The following DGAT1 variants were observed in gnomAD, a reference collection of about 807,000 sequenced individuals.
The protein encoded by DGAT1 is ACAT related gene product 1.
Under a neutral mutation model 72.6 loss-of-function variants are expected in DGAT1, and 60 were observed. The ratio of observed to expected loss-of-function variants is 0.83; its 90% CI spans 0.67 to 1.02. The LOEUF (loss-of-function observed/expected upper bound fraction) is 1.02, where lower values mean the gene tolerates loss of function less well. DGAT1 is among the 50% of genes least tolerant of loss of function. DGAT1 has a pLI of 0.00. For synonymous variants in DGAT1, 290 were observed against 267.5 expected (o/e 1.08, Z -0.82); for missense variants, 592 against 670.0 (o/e 0.88, Z 1.29).
At position 144,316,894 on chromosome 8, in the gene DGAT1, G is replaced by C. The variant is rs782420668; in HGVS notation, c.1270C>G (p.Arg424Gly). 2 of 1,612,156 alleles carry C rather than the reference G, an allele frequency of 1.2e-6. No individual in the cohort carries two copies. The highest frequency in any genetic ancestry group is 1.6e-4 in the Middle Eastern group (1 of 6,062). The stretch of plus-strand genomic sequence containing the variant: ...GTGAACGCCCAGAGGCGGAACATTC[G>C]CAGAGGGACGCTCACCAGGTACTGA... The part of the protein sequence containing the change: ...FHEYLVSVPL[R>G]MFRLWAFTGM... The change falls in exon 16 of 17, where the codon CGA becomes GGA. Residue 424 changes from arginine to glycine, a missense_variant. Arg to Gly is a moderately radical substitution (Grantham distance 125). Transcript: ENST00000528718.
chr8:144,317,471 C>CTAG, intron 12 of DGAT1, 26 bp from the exon 13 acceptor site: 1 of 1,613,642 alleles, frequency 6.2e-7, no homozygotes, highest in Non-Finnish European at 8.5e-7. Flanking sequence ...GGGTGGGCAC[C>CTAG]AAGTTCTAGA....
rs1230730286 is a variant in DGAT1, at chr8:144,316,479, C to G, written c.*75G>C. On this transcript the variant is annotated 3_prime_UTR_variant, in exon 17 of 17. Transcript: ENST00000528718. ...TGCAGCCAGGCCCATCCCCAGCACTCGAGGCCTAGGAGGAGAGGTGGGCTC... is the reference window on the plus strand; with the variant it reads ...TGCAGCCAGGCCCATCCCCAGCACTGGAGGCCTAGGAGGAGAGGTGGGCTC... The G allele has an allele frequency of 2.7e-6, 4 of 1,487,352 alleles. No homozygotes were observed. In the African/African-American group the frequency reaches 5.6e-5, roughly 21 times the overall value. 92.1% of individuals were successfully genotyped at this position (1,487,352 alleles called of 1,614,324 possible).
At chr8:144,325,926 C>T (rs1160138364) in intron 1 of DGAT1, among the ~76,000 whole-genome samples, 1 of 152,138 alleles carries the variant, frequency 6.6e-6, no homozygotes, top group African/African-American at 2.4e-5. Flanking sequence ...CTAACACTGC[C>T]CCTTGTCCGG....
At position 144,315,831 on chromosome 8, in the gene DGAT1, C is replaced by T; in HGVS notation, c.*723G>A. 1.0e-6 allele frequency: 1 copy of T among 985,002 alleles called. No homozygotes were observed. Among genetic ancestry groups the T allele is most frequent in the African/African-American group, 1.7e-5 (1 of 57,370 alleles). The allele number at this position is 985,002 out of a possible 1,614,324, so 61.0% of individuals were successfully genotyped here. A position where few individuals can be genotyped will look rare whatever the true frequency, so the allele number is the denominator to read the frequency against. Reference sequence around the variant, plus strand: ...AGAGGCTGCCAAACCGAGCCCTGCCCCAAGGCGAATAGCCATGGACATAGC... The same window carrying T: ...AGAGGCTGCCAAACCGAGCCCTGCCTCAAGGCGAATAGCCATGGACATAGC... On this transcript the variant is annotated 3_prime_UTR_variant, in exon 17 of 17. Transcript: ENST00000528718.
rs1310939487 is a variant in DGAT1, at chr8:144,314,718, T to G, written c.*1836A>C. On this transcript the variant is annotated 3_prime_UTR_variant, in exon 17 of 17. Transcript: ENST00000528718. ...GAGATCTATAAACAGACAGGCTCTA[T>G]GCTATGGCCTCCATGTGTTTCCTCT... The G allele has an allele frequency of 4.3e-6, 1 of 233,334 alleles. No homozygotes were observed. The highest frequency in any genetic ancestry group is 8.4e-6 in the Non-Finnish European group (1 of 119,128). The allele number at this position is 233,334 out of a possible 1,614,324, so 14.5% of individuals were successfully genotyped here. A position where few individuals can be genotyped will look rare whatever the true frequency, so the allele number is the denominator to read the frequency against.
intron 1 of DGAT1, among the ~76,000 whole-genome samples, 171 bp from the exon 2 acceptor site, chr8:144,321,579 G>A (rs1203759688): frequency 1.3e-5 from 2 of 152,206 alleles, no homozygotes; most frequent in South Asian, 2.1e-4. Context: ...AAGACCTACA[G>A]TGGGCAAAGC....
At position 144,316,658 on chromosome 8, in the gene DGAT1, C is replaced by T. The variant is rs1452091909; in HGVS notation, c.1363G>A (p.Ala455Thr). Residue 455 changes from alanine (A) to threonine (T), a missense_variant, in exon 17 of 17, where the codon GCA (alanine) becomes ACA (threonine). Coordinates refer to ENST00000528718, the MANE Select transcript of DGAT1 (RefSeq NM_012079.6). ...GRFFQGNYGN[A>T]AVWLSLIIGQ... ...ATGATGAGCGACAGCCACACAGCTG[C>T]GTTGCCATAGTTGCCCTGGAAAAAG... The T allele has an allele frequency of 2.5e-6, 4 of 1,611,650 alleles. No homozygotes were observed. Among genetic ancestry groups the T allele is most frequent in the Non-Finnish European group, 3.4e-6 (4 of 1,179,446 alleles).
rs1237588015 is a variant in DGAT1 at position 144,315,230 on chromosome 8, T to G, written c.*1324A>C. 27 of 985,382 alleles carry G rather than the reference T, an allele frequency of 2.7e-5. No individual in the cohort carries two copies. Among genetic ancestry groups the G allele is most frequent in the Non-Finnish European group, 3.3e-5 (27 of 829,994 alleles). 61.0% of individuals were successfully genotyped at this position (985,382 alleles called of 1,614,324 possible). A position where few individuals can be genotyped will look rare whatever the true frequency, so the allele number is the denominator to read the frequency against. On this transcript the variant is annotated 3_prime_UTR_variant, in exon 17 of 17. Transcript: ENST00000528718. Reference sequence around the variant, plus strand: ...GAGAGGCACAGGAGCCCATGTGGGATGGAGGAGTCGGCCCCACACCCATCC... The same window carrying G: ...GAGAGGCACAGGAGCCCATGTGGGAGGGAGGAGTCGGCCCCACACCCATCC...
chr8:144,317,419 G>A lies in DGAT1; in HGVS notation c.1008C>T (p.Ile336=), dbSNP rs781942939. The A allele has an allele frequency of 6.2e-7, 1 of 1,613,892 alleles. No homozygotes were observed. The highest frequency in any genetic ancestry group is 8.5e-7 in the Non-Finnish European group (1 of 1,179,990). The change falls in exon 13 of 17, where the codon ATC becomes ATT. Residue 336 remains isoleucine, a synonymous_variant. Coordinates refer to ENST00000528718, the MANE Select transcript of DGAT1 (RefSeq NM_012079.6). Reference sequence around the variant, plus strand: ...AGGAGTGGAAGAGCCAGTAGAAGAAGATGAGCCAGATGAGGTGATTGGGGA... The same window carrying A: ...AGGAGTGGAAGAGCCAGTAGAAGAAAATGAGCCAGATGAGGTGATTGGGGA... ...LAVPNHLIWL[I]FFYWLFHSCL...
At chr8:144,318,601 C>G in intron 5 of DGAT1, 35 bp from the exon 6 acceptor site, 1 of 1,607,258 alleles carries the variant, frequency 6.2e-7, no homozygotes. Context: ...ACCAGGGCTC[C>G]CATTGCCTGG....
rs1817225392 is a variant in DGAT1, at chr8:144,316,474, GC to G, written c.*79del. Reference sequence around the variant, plus strand: ...TGCTGTGCAGCCAGGCCCATCCCCAGCACTCGAGGCCTAGGAGGAGAGGTGG... The same window carrying G: ...TGCTGTGCAGCCAGGCCCATCCCCAGACTCGAGGCCTAGGAGGAGAGGTGG... On this transcript the variant is annotated 3_prime_UTR_variant, in exon 17 of 17. Coordinates refer to ENST00000528718, the MANE Select transcript of DGAT1 (RefSeq NM_012079.6). 2 of 1,473,914 alleles carry G rather than the reference GC, an allele frequency of 1.4e-6. No homozygotes were observed. 91.3% of individuals were successfully genotyped at this position (1,473,914 alleles called of 1,614,324 possible).
chr8:144,316,497 G>A lies in DGAT1; in HGVS notation c.*57C>T. The A allele has an allele frequency of 6.6e-7, 1 of 1,520,862 alleles. No individual in the cohort carries two copies. Among genetic ancestry groups the A allele is most frequent in the Non-Finnish European group, 8.8e-7 (1 of 1,131,270 alleles). 94.2% of individuals were successfully genotyped at this position (1,520,862 alleles called of 1,614,324 possible). A position where few individuals can be genotyped will look rare whatever the true frequency, so the allele number is the denominator to read the frequency against. On this transcript the variant is annotated 3_prime_UTR_variant, in exon 17 of 17. Coordinates refer to ENST00000528718, the MANE Select transcript of DGAT1 (RefSeq NM_012079.6). ...CAGCACTCGAGGCCTAGGAGGAGAG[G>A]TGGGCTCTGGCAGCGGGTGTGAGGT...
chr8:144,318,007 G>A lies in DGAT1; in HGVS notation c.762C>T (p.Tyr254=), dbSNP rs1817305450. 7 of 1,518,880 alleles carry A rather than the reference G, an allele frequency of 4.6e-6. No individual in the cohort carries two copies. The South Asian group carries it at 8.0e-5, about 17-fold the overall frequency. The allele number at this position is 1,518,880 out of a possible 1,614,324, so 94.1% of individuals were successfully genotyped here. Residue 254 remains tyrosine (Y), a synonymous_variant, in exon 9 of 17, where the codon TAC becomes TAT. Transcript: ENST00000528718. ...AGCACAAGGTGGGGGCGAAGAGGAA[G>A]TAGTAGAGATCTGGAATGGGAATGG... ...PDNLTYRDLY[Y]FLFAPTLCYE...
chr8:144,317,363 A>G lies in DGAT1; in HGVS notation c.1064T>C (p.Phe355Ser). 2.5e-6 allele frequency: 4 copies of G among 1,613,770 alleles called. No individual in the cohort carries two copies. Among genetic ancestry groups the G allele is most frequent in the Non-Finnish European group, 3.4e-6 (4 of 1,179,942 alleles). ...CLNAVAELMQ[F>S]GDREFYRDWW... is the part of the protein sequence containing the mutation. ...GTCCCGGTAGAACTCCCGGTCTCCAAACTGCATGAGCTCAGCCACGGCATT... is the reference window on the plus strand; with the variant it reads ...GTCCCGGTAGAACTCCCGGTCTCCAGACTGCATGAGCTCAGCCACGGCATT... Residue 355 changes from phenylalanine (F) to serine (S), a missense_variant, in exon 13 of 17, where the codon TTT (phenylalanine) becomes TCT (serine). Coordinates refer to ENST00000528718, the MANE Select transcript of DGAT1 (RefSeq NM_012079.6).
Position 144,315,874 on chromosome 8 carries a change from C to T in DGAT1, c.*680G>A, listed in dbSNP as rs1224313537. 2.0e-6 allele frequency: 2 copies of T among 985,598 alleles called. No individual in the cohort carries two copies. The highest frequency in any genetic ancestry group is 5.2e-4 in the Middle Eastern group (1 of 1,938). 61.1% of individuals were successfully genotyped at this position (985,598 alleles called of 1,614,324 possible). On this transcript the variant is annotated 3_prime_UTR_variant, in exon 17 of 17. Transcript: ENST00000528718. ...GACATAGCCATTGTGTACCGTAGCC[C>T]CTCGGCTCACCAGACCCACACCAGA...
chr8:144,320,017 C>T (rs1251692476), intron 2 of DGAT1, among the ~76,000 whole-genome samples: 1 of 152,218 alleles, frequency 6.6e-6, no homozygotes, highest in Non-Finnish European at 1.5e-5. Flanking sequence ...CTCCCCCGGC[C>T]GCAGGGCTGA....
rs1817104910 is a variant in DGAT1 at position 144,314,619 on chromosome 8, A to G, written c.*1935T>C. ...TCAGAATTGTATTTTGGATTTTTACACAACTGTCCCGTTCCCCGCTCCACA... is the reference window on the plus strand; with the variant it reads ...TCAGAATTGTATTTTGGATTTTTACGCAACTGTCCCGTTCCCCGCTCCACA... On this transcript the variant is annotated 3_prime_UTR_variant, in exon 17 of 17. Transcript: ENST00000528718. 2 of 492,926 alleles carry G rather than the reference A, an allele frequency of 4.1e-6. No individual in the cohort carries two copies. Among genetic ancestry groups the G allele is most frequent in the South Asian group, 2.7e-5 (1 of 36,392 alleles). 30.5% of individuals were successfully genotyped at this position (492,926 alleles called of 1,614,324 possible). A position where few individuals can be genotyped will look rare whatever the true frequency, so the allele number is the denominator to read the frequency against.
At position 144,326,462 on chromosome 8, in the gene DGAT1, C is replaced by A; in HGVS notation, c.175G>T (p.Val59Leu). 7.4e-7 allele frequency: 1 copy of A among 1,350,238 alleles called. No individual in the cohort carries two copies. Among genetic ancestry groups the A allele is most frequent in the Non-Finnish European group, 9.6e-7 (1 of 1,041,358 alleles). 83.6% of individuals were successfully genotyped at this position (1,350,238 alleles called of 1,614,324 possible). A position where few individuals can be genotyped will look rare whatever the true frequency, so the allele number is the denominator to read the frequency against. The change falls in exon 1 of 17, where the codon GTG becomes TTG. Residue 59 changes from valine to leucine, a missense_variant. Physicochemically the swap from Val to Leu is conservative, Grantham distance 32. Coordinates refer to ENST00000528718, the MANE Select transcript of DGAT1 (RefSeq NM_012079.6). ...PAPNKDGDAG[V>L]GSGHWELRCH... Reference sequence around the variant, plus strand: ...CTCAGCTCCCAGTGGCCGCTGCCCACGCCGGCGTCTCCGTCCTTGTTGGGG... The same window carrying A: ...CTCAGCTCCCAGTGGCCGCTGCCCAAGCCGGCGTCTCCGTCCTTGTTGGGG...
chr8:144,325,658 C>G (rs1274114330), intron 1 of DGAT1, among the ~76,000 whole-genome samples: 2 of 152,184 alleles, frequency 1.3e-5, no homozygotes, highest in Admixed American at 1.3e-4. Context: ...TCCTTCCCAT[C>G]GGCCATGGTT....
Sources: gnomAD v4.1 joint callset for allele counts (sites outside exome capture counted in the v4.1 genomes callset) on GRCh38, gnomAD v4.1.1 for gene constraint, MANE v1.5 for transcripts, NCBI Gene and HGNC (gene_info 2026-07-23, HGNC 2026-07-21) for gene names.